Variants in ARL15 observed in about 807,000 individuals in gnomAD.
ARL15 encodes ADP-ribosylation factor-like protein 15.
A neutral mutation model predicts 25.2 loss-of-function variants in ARL15; 19 were observed. That is an observed-to-expected ratio of 0.75 (90% CI 0.53 to 1.10). The LOEUF is 1.10. ARL15 is among the 50% of genes least tolerant of loss of function. The pLI is 0.00. For missense variants in ARL15, 220 were observed against 246.0 expected, an observed-to-expected ratio of 0.89 and a Z score of 0.71; for synonymous variants, 94 against 86.8, an observed-to-expected ratio of 1.08 and a Z score of -0.46.
intron 2 of ARL15, among the ~76,000 whole-genome samples, chr5:54,169,936 G>GTC (rs1051140830): frequency 5.9e-5 from 9 of 152,228 alleles, no homozygotes; most frequent in South Asian, 2.1e-4. Flanking sequence ...ATCAAGCAAT[G>GTC]TCTCTAACCC....
At chr5:54,267,210 GCCTC>G (rs1314394204) in intron 1 of ARL15, among the ~76,000 whole-genome samples, 2 of 152,174 alleles carry the variant, frequency 1.3e-5, no homozygotes, top group East Asian at 3.9e-4. Flanking sequence ...TCCTGCCTCA[GCCTC>G]CTGAGTAGCT....
chr5:54,054,556 C>T (rs1429837783), intron 4 of ARL15, among the ~76,000 whole-genome samples: 6 of 152,104 alleles, frequency 3.9e-5, no homozygotes, highest in South Asian at 2.1e-4. Context: ...TTTGGGAGGC[C>T]GAGGCGGGCG....
At chr5:53,965,192 C>T (rs1483625109) in intron 4 of ARL15, among the ~76,000 whole-genome samples, 1 of 152,092 alleles carries the variant, frequency 6.6e-6, no homozygotes, top group Non-Finnish European at 1.5e-5. Flanking sequence ...TCTTCCGGAC[C>T]TTGCAGAGTC....
chr5:54,126,746 T>C (rs1425432958), intron 3 of ARL15, among the ~76,000 whole-genome samples: 2 of 152,228 alleles, frequency 1.3e-5, no homozygotes, highest in Non-Finnish European at 2.9e-5. Context: ...CAAGAAGGCC[T>C]TTGCCAAGTG....
chr5:54,236,701 G>T lies in ARL15; in HGVS notation c.49-64773C>A, dbSNP rs1442903705. 4.6e-5 allele frequency among the ~76,000 whole-genome samples: 7 copies of T among 152,200 alleles called. No homozygotes were observed. In the East Asian group the frequency reaches 1.4e-3, roughly 29 times the overall value. ...GTGTTTCACTCTCTAATCATATATT[G>T]CCCAGTGCATACATTCATTTAAACA... On this transcript the variant is annotated intron_variant, in intron 1 of 4. Transcript: ENST00000504924.
rs564530512 is a variant in ARL15, at chr5:54,276,157, T to C, written c.48+34275A>G. ...ACACCTTAATTCATTTCCACTCAAA[T>C]CATTAAAATGTGTGATTATGCAGAA... On this transcript the variant is annotated intron_variant, in intron 1 of 4. Coordinates refer to ENST00000504924, the MANE Select transcript of ARL15 (RefSeq NM_019087.3). Among the ~76,000 whole-genome samples, 342 of 152,282 alleles carry C rather than the reference T, an allele frequency of 2.2e-3. 2 individuals are homozygous for C. Among genetic ancestry groups the C allele is most frequent in the African/African-American group, 7.6e-3 (315 of 41,562 alleles).
Position 53,884,055 on chromosome 5 carries a change from G to A in ARL15, c.*2506C>T, listed in dbSNP as rs1210086213. 6.6e-6 allele frequency: 1 copy of A among 152,136 alleles called. No individual in the cohort carries two copies. Among genetic ancestry groups the A allele is most frequent in the Non-Finnish European group, 1.5e-5 (1 of 68,028 alleles). The allele number at this position is 152,136 out of a possible 1,614,324, so 9.4% of individuals were successfully genotyped here. A position where few individuals can be genotyped will look rare whatever the true frequency, so the allele number is the denominator to read the frequency against. ...TCCACATGAATCTGTTAGCCTCTAA[G>A]TACAGGTACAGTATTTTTTTAATAG... On this transcript the variant is annotated 3_prime_UTR_variant, in exon 5 of 5. Transcript: ENST00000504924.
chr5:54,053,836 C>T (rs994813476), intron 4 of ARL15, among the ~76,000 whole-genome samples: 29 of 152,124 alleles, frequency 1.9e-4, no homozygotes, highest in Admixed American at 4.6e-4. Flanking sequence ...AATGTGGTGT[C>T]CTGTATGGGA....
chr5:54,270,357 T>A (rs950788102), intron 1 of ARL15, among the ~76,000 whole-genome samples: 1 of 152,122 alleles, frequency 6.6e-6, no homozygotes, highest in African/African-American at 2.4e-5. Context: ...AGCGCCTTTC[T>A]CTCCTAACTG....
At chr5:54,180,630 C>T (rs1755030500) in intron 1 of ARL15, among the ~76,000 whole-genome samples, 1 of 152,214 alleles carries the variant, frequency 6.6e-6, no homozygotes, top group African/African-American at 2.4e-5. Context: ...TGGGAGCACA[C>T]AGATGAAGGC....
At chr5:54,187,755 T>A (rs1167150664) in intron 1 of ARL15, among the ~76,000 whole-genome samples, 2 of 152,250 alleles carry the variant, frequency 1.3e-5, no homozygotes, top group Non-Finnish European at 2.9e-5. Context: ...GCTGTGAATG[T>A]AGAGGAAGCA....
At chr5:54,247,808 A>C (rs1411352959) in intron 1 of ARL15, among the ~76,000 whole-genome samples, 1 of 152,208 alleles carries the variant, frequency 6.6e-6, no homozygotes, top group Non-Finnish European at 1.5e-5. Flanking sequence ...AATGCTTGTC[A>C]GGTTGGGCAG....
intron 1 of ARL15, among the ~76,000 whole-genome samples, chr5:54,287,088 C>T (rs1758200474): frequency 6.6e-6 from 1 of 151,900 alleles, no homozygotes; most frequent in Non-Finnish European, 1.5e-5. Flanking sequence ...CTATGTTGGC[C>T]AGGTTGGTCT....
chr5:54,235,398 G>A (rs1160188197), intron 1 of ARL15, among the ~76,000 whole-genome samples: 1 of 152,068 alleles, frequency 6.6e-6, no homozygotes, highest in Non-Finnish European at 1.5e-5. Context: ...TGTAGTCACA[G>A]AATAACGGGT....
intron 1 of ARL15, among the ~76,000 whole-genome samples, chr5:54,244,867 T>C (rs1391910441): frequency 1.3e-5 from 2 of 152,122 alleles, no homozygotes. Flanking sequence ...ACTGGTGTTT[T>C]CAGCATTTTT....
intron 4 of ARL15, among the ~76,000 whole-genome samples, chr5:53,894,983 A>C (rs995209476): frequency 6.6e-6 from 1 of 152,198 alleles, no homozygotes; most frequent in African/African-American, 2.4e-5. Flanking sequence ...ATGCTCATTT[A>C]CTTAAGTATT....
intron 4 of ARL15, chr5:54,075,452 A>G: frequency 6.5e-6 from 1 of 154,068 alleles, no homozygotes; most frequent in East Asian, 1.9e-4. Context: ...AGAAGCTAGA[A>G]CAAAACAGTC....
At chr5:54,130,019 G>A (rs1419820122) in intron 3 of ARL15, among the ~76,000 whole-genome samples, 1 of 152,288 alleles carries the variant, frequency 6.6e-6, no homozygotes, top group African/African-American at 2.4e-5. Flanking sequence ...TGGGAAGATT[G>A]CTTGAGCCCA....
At chr5:54,288,581 C>T (rs553691415) in intron 1 of ARL15, among the ~76,000 whole-genome samples, 2 of 152,278 alleles carry the variant, frequency 1.3e-5, no homozygotes, top group African/African-American at 2.4e-5. Flanking sequence ...GTCTTTTGGA[C>T]GTGGGGGCCA....
Sources: gnomAD v4.1 joint callset for allele counts (sites outside exome capture counted in the v4.1 genomes callset) on GRCh38, gnomAD v4.1.1 for gene constraint, MANE v1.5 for transcripts, NCBI Gene and HGNC (gene_info 2026-07-23, HGNC 2026-07-21) for gene names.